Variants in NTM observed in about 807,000 individuals in gnomAD.
The protein encoded by NTM is neurotrimin.
In NTM, 13 loss-of-function variants were observed where a neutral mutation model predicts 42.1. The ratio of observed to expected loss-of-function variants is 0.31; its 90% CI spans 0.20 to 0.49. The LOEUF (loss-of-function observed/expected upper bound fraction) is 0.49. Among genes scored for constraint, NTM ranks in the 20% least tolerant of loss-of-function variants. NTM has a pLI of 0.99. For synonymous variants in NTM, 187 were observed against 179.2 expected (o/e 1.04, Z -0.35); for missense variants, 373 against 452.8 (o/e 0.82, Z 1.60).
chr11:132,315,014 C>CATTCTATAATGGAAAAGA, intron 7 of NTM: 2 of 1,127,510 alleles, frequency 1.8e-6, no homozygotes, highest in Non-Finnish European at 2.2e-6. Flanking sequence ...GTTCATGTTT[C>CATTCTATAATGGAAAAGA]ATTCTATAAT....
chr11:132,232,633 A>T (rs1055459919), intron 4 of NTM, among the ~76,000 whole-genome samples: 8 of 152,196 alleles, frequency 5.3e-5, no homozygotes, highest in Admixed American at 2.6e-4. Context: ...TTGTTACCTC[A>T]TCTGTAAAAT....
chr11:131,642,481 G>C (rs146095238), intron 1 of NTM, among the ~76,000 whole-genome samples: 1 of 152,212 alleles, frequency 6.6e-6, no homozygotes, highest in African/African-American at 2.4e-5. Flanking sequence ...TGGATTTGCT[G>C]TTAAGTTAAA....
intron 1 of NTM, among the ~76,000 whole-genome samples, chr11:131,857,749 T>C (rs1211951503): frequency 6.6e-6 from 1 of 152,186 alleles, no homozygotes; most frequent in Non-Finnish European, 1.5e-5. Flanking sequence ...TGGCCTATTA[T>C]TTCTTGTTTA....
chr11:131,411,940 G>T (rs1946469918), intron 1 of NTM, among the ~76,000 whole-genome samples: 1 of 152,144 alleles, frequency 6.6e-6, no homozygotes, highest in Non-Finnish European at 1.5e-5. Flanking sequence ...AAAACCCCTT[G>T]CATGGTTAGA....
At chr11:131,553,637 G>C (rs1241616224) in intron 1 of NTM, among the ~76,000 whole-genome samples, 1 of 152,110 alleles carries the variant, frequency 6.6e-6, no homozygotes, top group Non-Finnish European at 1.5e-5. Context: ...CAAAACCTTA[G>C]AACTGTGTAA....
chr11:132,191,967 T>C (rs1445291761), intron 3 of NTM, among the ~76,000 whole-genome samples: 2 of 152,174 alleles, frequency 1.3e-5, no homozygotes, highest in Admixed American at 6.5e-5. Context: ...CAAAAAAATT[T>C]TTTTAAAGAA....
chr11:131,683,364 C>CGGGA (rs755841526), intron 1 of NTM, among the ~76,000 whole-genome samples: 2 of 152,148 alleles, frequency 1.3e-5, no homozygotes, highest in Non-Finnish European at 2.9e-5. Flanking sequence ...GCAGGGTGCA[C>CGGGA]GGGAGGAGGG....
intron 1 of NTM, among the ~76,000 whole-genome samples, chr11:131,776,094 C>T (rs752794124): frequency 6.6e-6 from 1 of 152,130 alleles, no homozygotes; most frequent in African/African-American, 2.4e-5. Flanking sequence ...ATGCTGAGAA[C>T]CTTGAGGCTA....
At chr11:131,935,410 T>C (rs532443626) in intron 2 of NTM, among the ~76,000 whole-genome samples, 5 of 152,332 alleles carry the variant, frequency 3.3e-5, no homozygotes, top group Non-Finnish European at 5.9e-5. Context: ...ACTTCACTTA[T>C]GAGATCGGGA....
Position 132,204,605 on chromosome 11 carries a change from T to C in NTM, c.401-7417T>C, listed in dbSNP as rs180732575. 2.2e-3 allele frequency among the ~76,000 whole-genome samples: 331 copies of C among 151,754 alleles called. 4 individuals carry two copies. Among genetic ancestry groups the C allele is most frequent in the Non-Finnish European group, 2.7e-3 (184 of 67,918 alleles). ...AGAAAGGCAAGTGTGAAGGATGGAGTCAAAGGTGGGCTTGAGGCATTTGAA... is the reference window on the plus strand; with the variant it reads ...AGAAAGGCAAGTGTGAAGGATGGAGCCAAAGGTGGGCTTGAGGCATTTGAA... On this transcript the variant is annotated intron_variant, in intron 3 of 8. Transcript: ENST00000683400.
chr11:131,732,788 T>C (rs2079861731), intron 1 of NTM, among the ~76,000 whole-genome samples: 1 of 152,230 alleles, frequency 6.6e-6, no homozygotes, highest in African/African-American at 2.4e-5. Context: ...TTTGCTAGGA[T>C]ACAGAATCTA....
chr11:131,562,890 C>T (rs1017993919), intron 1 of NTM, among the ~76,000 whole-genome samples: 3 of 152,190 alleles, frequency 2.0e-5, no homozygotes, highest in African/African-American at 7.2e-5. Flanking sequence ...GCCCCTTTAA[C>T]CATGCTTAGT....
intron 2 of NTM, among the ~76,000 whole-genome samples, chr11:131,994,432 G>A (rs1236561399): frequency 6.6e-6 from 1 of 152,118 alleles, no homozygotes; most frequent in Non-Finnish European, 1.5e-5. Flanking sequence ...CCTCAGGAGG[G>A]ATATCTAACC....
chr11:132,218,360 T>G (rs2084379636), intron 4 of NTM, among the ~76,000 whole-genome samples: 1 of 152,214 alleles, frequency 6.6e-6, no homozygotes. Context: ...TCCTTTTGGT[T>G]GGGTTGCCCT....
At chr11:131,918,662 G>A (rs1285897403) in intron 2 of NTM, among the ~76,000 whole-genome samples, 1 of 152,092 alleles carries the variant, frequency 6.6e-6, no homozygotes, top group African/African-American at 2.4e-5. Flanking sequence ...TCTGTCCCTT[G>A]TATTCTTCAT....
At chr11:131,721,138 A>G (rs1275067158) in intron 1 of NTM, among the ~76,000 whole-genome samples, 1 of 152,250 alleles carries the variant, frequency 6.6e-6, no homozygotes, top group African/African-American at 2.4e-5. Context: ...AAAAAAAAAA[A>G]ATCTCCTGAC....
intron 1 of NTM, among the ~76,000 whole-genome samples, chr11:131,750,654 C>T (rs1235714925): frequency 6.6e-6 from 1 of 152,220 alleles, no homozygotes; most frequent in Non-Finnish European, 1.5e-5. Context: ...TCCACCACAG[C>T]CCACCACTTG....
intron 1 of NTM, among the ~76,000 whole-genome samples, chr11:131,712,322 G>A (rs1468530955): frequency 2.6e-5 from 4 of 151,940 alleles, no homozygotes; most frequent in Admixed American, 6.6e-5. Flanking sequence ...CTCCAAATAC[G>A]GAAAAACAGT....
At chr11:131,955,163 C>CCCTCAG (rs547628332) in intron 2 of NTM, among the ~76,000 whole-genome samples, 1 of 152,306 alleles carries the variant, frequency 6.6e-6, no homozygotes, top group South Asian at 2.1e-4. Context: ...AGCACCTCCA[C>CCCTCAG]CCTCAGCCTC....
Sources: allele counts gnomAD v4.1 joint callset (sites outside exome capture counted in the v4.1 genomes callset), GRCh38; gene constraint gnomAD v4.1.1; transcripts MANE v1.5; gene names NCBI Gene and HGNC (gene_info 2026-07-23, HGNC 2026-07-21).